Variants in LINGO1 observed in about 807,000 individuals in gnomAD.
LINGO1 encodes leucine-rich repeat and immunoglobulin-like domain-containing nogo receptor-interacting protein 1.
A neutral mutation model predicts 37.3 loss-of-function variants in LINGO1; 11 were observed. The observed-to-expected ratio is 0.29, with a 90% confidence interval of 0.19 to 0.49. The LOEUF is 0.49. LINGO1 is among the 20% of genes least tolerant of loss of function. LINGO1 has a pLI of 0.99. For synonymous variants in LINGO1, 387 were observed against 403.0 expected (o/e 0.96, Z 0.48); for missense variants, 585 against 878.2 (o/e 0.67, Z 4.22).
chr15:77,745,429 G>GAA lies in LINGO1; in HGVS notation c.-256-10378_-256-10377dup, dbSNP rs1233452547. Among the ~76,000 whole-genome samples the GAA allele has an allele frequency of 4.2e-4, 35 of 83,078 alleles. No individual in the cohort carries two copies. In the East Asian group the frequency reaches 4.7e-3, roughly 11 times the overall value. The allele number at this position is 83,078 out of a possible 152,430, so 54.5% of individuals were successfully genotyped here. ...GACAAAGCAAGACTCCGTCTCAAAA[G>GAA]AAAAAAAAAAAAAAAAGCTGTCCCC... On this transcript the variant is annotated intron_variant, in intron 1 of 3. Transcript: ENST00000561686.
chr15:77,615,935 G>T, intron 1 of LINGO1, 35 bp from the exon 2 acceptor site: 1 of 1,417,102 alleles, frequency 7.1e-7, no homozygotes, highest in Non-Finnish European at 9.2e-7. Flanking sequence ...CAGAGGTGGC[G>T]GTTAGGGGGC....
At chr15:77,708,432 C>G (rs1002236412) in intron 2 of LINGO1, among the ~76,000 whole-genome samples, 14 of 152,302 alleles carry the variant, frequency 9.2e-5, no homozygotes, top group African/African-American at 2.9e-4. Context: ...GGGTGGAAGT[C>G]TGGGCCCAGA....
chr15:77,701,755 CT>C (rs796909293), intron 2 of LINGO1, among the ~76,000 whole-genome samples: 4 of 152,284 alleles, frequency 2.6e-5, no homozygotes, highest in African/African-American at 9.6e-5. Context: ...GCCAGCTCCC[CT>C]TTGCTCTCTG....
At chr15:77,657,787 G>A (rs1390275949) in intron 3 of LINGO1, among the ~76,000 whole-genome samples, 4 of 152,226 alleles carry the variant, frequency 2.6e-5, no homozygotes, top group Non-Finnish European at 5.9e-5. Flanking sequence ...TGGACTTGGA[G>A]GCTCCGCCGC....
intron 2 of LINGO1, among the ~76,000 whole-genome samples, chr15:77,684,724 A>C (rs1337619574): frequency 6.6e-6 from 1 of 152,114 alleles, no homozygotes; most frequent in African/African-American, 2.4e-5. Flanking sequence ...TGGCCAAGGA[A>C]ATGGATGGGT....
At chr15:77,744,038 C>T (rs2076290165) in intron 1 of LINGO1, among the ~76,000 whole-genome samples, 1 of 152,220 alleles carries the variant, frequency 6.6e-6, no homozygotes, top group Non-Finnish European at 1.5e-5. Context: ...CAAGGTCCTG[C>T]TCTTAAAGAG....
intron 2 of LINGO1, among the ~76,000 whole-genome samples, chr15:77,708,740 G>A (rs1002564797): frequency 2.6e-5 from 4 of 152,196 alleles, no homozygotes; most frequent in Middle Eastern, 3.4e-3. Flanking sequence ...TGGTGAAACC[G>A]TCTCCAATAC....
At position 77,757,123 on chromosome 15, in the gene LINGO1, C is replaced by G. The variant is rs1432739954; in HGVS notation, c.-256-22070G>C. On this transcript the variant is annotated intron_variant, in intron 1 of 3. Transcript: ENST00000561686. ...CCCACTCCTTGGCCAAGCCACCCTG[C>G]CTTCCCCTCCCCACCAGTGTCAGTG... 2.0e-5 allele frequency among the ~76,000 whole-genome samples: 3 copies of G among 151,546 alleles called. No individual in the cohort carries two copies. The South Asian group carries it at 6.2e-4, about 31-fold the overall frequency.
chr15:77,674,808 C>G (rs1169580222), intron 3 of LINGO1, among the ~76,000 whole-genome samples: 1 of 151,844 alleles, frequency 6.6e-6, no homozygotes, highest in African/African-American at 2.4e-5. Context: ...CACTCCCATA[C>G]GCATGCTGTA....
At chr15:77,762,899 T>C (rs2076491423) in intron 1 of LINGO1, among the ~76,000 whole-genome samples, 1 of 152,118 alleles carries the variant, frequency 6.6e-6, no homozygotes, top group Non-Finnish European at 1.5e-5. Flanking sequence ...GGGAGCTCCC[T>C]AAGGGACTGA....
chr15:77,741,422 C>G (rs1014954062), intron 1 of LINGO1, among the ~76,000 whole-genome samples: 42 of 152,188 alleles, frequency 2.8e-4, no homozygotes, highest in Non-Finnish European at 2.6e-4. Flanking sequence ...CTGAGGACCC[C>G]TTACCCCAGC....
intron 1 of LINGO1, among the ~76,000 whole-genome samples, chr15:77,815,815 C>T (rs979714432): frequency 3.3e-5 from 5 of 152,128 alleles, no homozygotes; most frequent in Admixed American, 2.6e-4. Flanking sequence ...AGAACTTCAA[C>T]GCTGCAAGCC....
At chr15:77,731,444 G>A (rs999241464) in intron 2 of LINGO1, among the ~76,000 whole-genome samples, 9 of 152,178 alleles carry the variant, frequency 5.9e-5, no homozygotes, top group African/African-American at 1.9e-4. Flanking sequence ...GCCCCTTCAG[G>A]GCACAGGACA....
chr15:77,641,828 G>A, intron 3 of LINGO1: 1 of 455,988 alleles, frequency 2.2e-6, no homozygotes, highest in Non-Finnish European at 4.4e-6. Context: ...ACCTGCGACA[G>A]AGGATGTCAG....
chr15:77,691,797 C>T (rs914165220), intron 1 of LINGO1, among the ~76,000 whole-genome samples: 8 of 151,922 alleles, frequency 5.3e-5, no homozygotes, highest in Non-Finnish European at 7.4e-5. Context: ...AAGCAGAGAC[C>T]GGTAGTGACG....
chr15:77,772,859 G>A (rs980867868), intron 1 of LINGO1, among the ~76,000 whole-genome samples: 4 of 152,122 alleles, frequency 2.6e-5, no homozygotes, highest in South Asian at 2.1e-4. Flanking sequence ...CAGGGGGCGC[G>A]CCTTAGCATG....
upstream of LINGO1, among the ~76,000 whole-genome samples, chr15:77,634,521 G>A (rs1031321755): frequency 6.6e-6 from 1 of 152,196 alleles, no homozygotes. Flanking sequence ...GGAAGCCCAG[G>A]CCCAGAGAGG....
intron 1 of LINGO1, among the ~76,000 whole-genome samples, chr15:77,783,635 C>A (rs949549998): frequency 2.0e-5 from 3 of 152,214 alleles, no homozygotes; most frequent in African/African-American, 7.2e-5. Context: ...CAGGTCCCAA[C>A]CTCTAGGACG....
At chr15:77,745,544 G>C (rs1282749261) in intron 1 of LINGO1, among the ~76,000 whole-genome samples, 1 of 152,148 alleles carries the variant, frequency 6.6e-6, no homozygotes, top group Non-Finnish European at 1.5e-5. Flanking sequence ...CTGAGCGTGA[G>C]CTTCTATTCA....
Sources: allele counts gnomAD v4.1 joint callset (sites outside exome capture counted in the v4.1 genomes callset), GRCh38; gene constraint gnomAD v4.1.1; transcripts MANE v1.5; gene names NCBI Gene and HGNC (gene_info 2026-07-23, HGNC 2026-07-21).